The following MOB3B variants were observed in gnomAD, a reference collection of about 807,000 sequenced individuals.
The protein encoded by MOB3B is MOB kinase activator-like 2B.
A neutral mutation model predicts 18.7 loss-of-function variants in MOB3B; 7 were observed. The ratio of observed to expected loss-of-function variants is 0.37; its 90% confidence interval spans 0.21 to 0.70. The LOEUF (loss-of-function observed/expected upper bound fraction) is 0.70. MOB3B is among the 30% of genes least tolerant of loss of function. The pLI is 0.52. For missense variants in MOB3B, 253 were observed against 281.3 expected (o/e 0.90, Z 0.72); for synonymous variants, 111 against 99.9 (o/e 1.11, Z -0.66).
At chr9:27,528,752 T>C (rs1820480546) in intron 1 of MOB3B, among the ~76,000 whole-genome samples, 1 of 151,214 alleles carries the variant, frequency 6.6e-6, no homozygotes, top group Non-Finnish European at 1.5e-5. Flanking sequence ...TGGGGAGGGT[T>C]AGGGGAGAGG....
At chr9:27,369,090 A>T (rs578160287) in intron 2 of MOB3B, among the ~76,000 whole-genome samples, 1 of 152,316 alleles carries the variant, frequency 6.6e-6, no homozygotes, top group African/African-American at 2.4e-5. Flanking sequence ...AATGGGACAA[A>T]TGAGCCAGAG....
At chr9:27,404,434 C>T (rs1171183220) in intron 2 of MOB3B, among the ~76,000 whole-genome samples, 1 of 133,914 alleles carries the variant, frequency 7.5e-6, no homozygotes, top group Non-Finnish European at 1.5e-5. Context: ...CAGCTCACTA[C>T]AACCTCTTGA....
chr9:27,523,121 C>G (rs915777415), intron 1 of MOB3B, among the ~76,000 whole-genome samples: 1 of 151,910 alleles, frequency 6.6e-6, no homozygotes. Flanking sequence ...TAATGTATAT[C>G]TTTTTTTTCT....
At chr9:27,384,800 G>A (rs909890458) in intron 2 of MOB3B, among the ~76,000 whole-genome samples, 1 of 152,190 alleles carries the variant, frequency 6.6e-6, no homozygotes, top group Non-Finnish European at 1.5e-5. Flanking sequence ...CCAGTGAGTA[G>A]CATCAGGAAC....
intron 1 of MOB3B, among the ~76,000 whole-genome samples, chr9:27,458,874 CAG>C (rs1819232877): frequency 6.6e-6 from 1 of 152,012 alleles, no homozygotes; most frequent in South Asian, 2.1e-4. Flanking sequence ...GACAAGGAAA[CAG>C]AGACTCAGAT....
At chr9:27,491,633 G>A (rs1177484426) in intron 1 of MOB3B, among the ~76,000 whole-genome samples, 1 of 152,160 alleles carries the variant, frequency 6.6e-6, no homozygotes, top group Non-Finnish European at 1.5e-5. Context: ...CCAGCACTTT[G>A]GGAGGCCGAG....
chr9:27,402,963 A>G (rs2150336), intron 2 of MOB3B, among the ~76,000 whole-genome samples: 60,568 of 152,088 alleles, frequency 0.4, 13,065 homozygotes, highest in East Asian at 0.78. Context: ...CCTTAACACA[A>G]TTTTTGTCCT....
rs191525512 is a variant in MOB3B at position 27,459,996 on chromosome 9, A to T, written c.-198-4248T>A. 3.4e-4 allele frequency among the ~76,000 whole-genome samples: 52 copies of T among 152,336 alleles called. 1 individual carries two copies. The highest frequency in any genetic ancestry group is 4.4e-5 in the Non-Finnish European group (3 of 68,030). On this transcript the variant is annotated intron_variant, in intron 1 of 3. Transcript: ENST00000262244. ...GGTTGTTAATAAATATTTGAAACCA[A>T]TGGTTCATTTGATCAATAAACATTT...
chr9:27,474,984 C>T (rs551143828), intron 1 of MOB3B, among the ~76,000 whole-genome samples: 2 of 152,298 alleles, frequency 1.3e-5, no homozygotes, highest in East Asian at 3.9e-4. Context: ...GACCCAGAGA[C>T]TGACTTCTAG....
chr9:27,466,846 T>G (rs889645304), intron 1 of MOB3B, among the ~76,000 whole-genome samples: 1 of 152,170 alleles, frequency 6.6e-6, no homozygotes, highest in South Asian at 2.1e-4. Flanking sequence ...GTGGGAATTT[T>G]GGGAGATAAA....
chr9:27,364,586 A>G (rs191313057), intron 2 of MOB3B, among the ~76,000 whole-genome samples: 6 of 152,242 alleles, frequency 3.9e-5, no homozygotes, highest in Non-Finnish European at 4.4e-5. Context: ...CTTTATTTCT[A>G]CCTTTACCAC....
intron 3 of MOB3B, among the ~76,000 whole-genome samples, chr9:27,354,778 A>C (rs1821160810): frequency 6.6e-6 from 1 of 152,202 alleles, no homozygotes; most frequent in South Asian, 2.1e-4. Flanking sequence ...CATGGGAGTG[A>C]CTGATACAAA....
intron 1 of MOB3B, among the ~76,000 whole-genome samples, chr9:27,455,951 AC>A (rs1365525012): frequency 2.0e-5 from 3 of 152,134 alleles, no homozygotes; most frequent in Non-Finnish European, 4.4e-5. Flanking sequence ...AAGGCATCAC[AC>A]TTGTTTTGTT....
At chr9:27,422,309 A>C (rs368383285) in intron 2 of MOB3B, among the ~76,000 whole-genome samples, 1 of 152,346 alleles carries the variant, frequency 6.6e-6, no homozygotes, top group East Asian at 1.9e-4. Context: ...CAATAAAATA[A>C]ATCAACAACC....
At chr9:27,385,490 G>C (rs1488322321) in intron 2 of MOB3B, among the ~76,000 whole-genome samples, 1 of 152,124 alleles carries the variant, frequency 6.6e-6, no homozygotes, top group Non-Finnish European at 1.5e-5. Flanking sequence ...GGGGTTGAGA[G>C]GGTGGGGTCC....
At chr9:27,361,227 T>C (rs1328938148) in intron 2 of MOB3B, among the ~76,000 whole-genome samples, 1 of 152,276 alleles carries the variant, frequency 6.6e-6, no homozygotes, top group South Asian at 2.1e-4. Flanking sequence ...ATGAATTCTG[T>C]TGCTAAAAAG....
intron 2 of MOB3B, among the ~76,000 whole-genome samples, chr9:27,429,196 T>C (rs1024147072): frequency 3.9e-5 from 6 of 152,140 alleles, no homozygotes; most frequent in African/African-American, 1.4e-4. Flanking sequence ...TTACACCCAC[T>C]TCAACTAAGA....
At chr9:27,379,786 T>G (rs1821546459) in intron 2 of MOB3B, among the ~76,000 whole-genome samples, 1 of 152,216 alleles carries the variant, frequency 6.6e-6, no homozygotes, top group Non-Finnish European at 1.5e-5. Flanking sequence ...CTGAAAGAGT[T>G]GCAAAGCTCT....
chr9:27,525,684 A>G (rs1443917369), intron 1 of MOB3B, among the ~76,000 whole-genome samples: 1 of 151,492 alleles, frequency 6.6e-6, no homozygotes, highest in East Asian at 2.0e-4. Context: ...ATCTAAAGGC[A>G]TGGAAAATGC....
Sources: gnomAD v4.1 joint callset for allele counts (sites outside exome capture counted in the v4.1 genomes callset) on GRCh38, gnomAD v4.1.1 for gene constraint, MANE v1.5 for transcripts, NCBI Gene and HGNC (gene_info 2026-07-23, HGNC 2026-07-21) for gene names.